The following RABGAP1L variants were observed in gnomAD, a reference collection of about 807,000 sequenced individuals.
The protein encoded by RABGAP1L is RAB GTPase activating protein 1 like.
Under a neutral mutation model 137.7 loss-of-function variants are expected in RABGAP1L, and 63 were observed. That is an observed-to-expected ratio of 0.46 (90% confidence interval 0.37 to 0.56). The LOEUF (loss-of-function observed/expected upper bound fraction) is 0.56. Ranked by LOEUF, RABGAP1L falls within the 20% of genes least tolerant of loss-of-function variation. RABGAP1L has a pLI of 0.00. For synonymous variants in RABGAP1L, 431 were observed against 433.7 expected, an observed-to-expected ratio of 0.99 and a Z score of 0.08; for missense variants, 1,095 against 1,244.0, an observed-to-expected ratio of 0.88 and a Z score of 1.80.
chr1:174,702,561 G>T (rs935523120), intron 17 of RABGAP1L, among the ~76,000 whole-genome samples: 3 of 151,980 alleles, frequency 2.0e-5, no homozygotes, highest in Admixed American at 1.3e-4. Context: ...TGCCTTTAAG[G>T]TTAAATAAAT....
chr1:174,802,002 A>G (rs995809754), intron 18 of RABGAP1L, among the ~76,000 whole-genome samples: 3 of 152,178 alleles, frequency 2.0e-5, no homozygotes, highest in Non-Finnish European at 4.4e-5. Context: ...TGGCATTTAC[A>G]TTTTCAGTGT....
chr1:174,305,086 G>A lies in RABGAP1L; in HGVS notation c.1424G>A (p.Gly475Glu), dbSNP rs142260750. The change falls in exon 11 of 26, where the codon GGA becomes GAA. Residue 475 changes from glycine (G) to glutamate (E), a missense_variant. Gly to Glu is a moderately conservative substitution (Grantham distance 98). Coordinates refer to ENST00000681986, the MANE Select transcript of RABGAP1L (RefSeq NM_001366446.1). ...GAGGAACCAGTCACTCCTACTAGTG[G>A]AGGGGGTCCAATGTCACCCCAGGAT... ...DKEEPVTPTS[G>E]GGPMSPQDDE... 4.7e-4 allele frequency: 734 copies of A among 1,553,684 alleles called. 8 individuals are homozygous for A. The East Asian group carries it at 0.018, about 38-fold the overall frequency.
chr1:174,701,225 A>G (rs1679621377), intron 16 of RABGAP1L: 1 of 1,272,436 alleles, frequency 7.9e-7, no homozygotes, highest in Non-Finnish European at 1.0e-6. Context: ...GGAGAAAAAA[A>G]TAAAGTTACC....
intron 11 of RABGAP1L, chr1:174,367,564 G>A: frequency 3.9e-6 from 1 of 255,884 alleles, no homozygotes; most frequent in Non-Finnish European, 7.8e-6. Flanking sequence ...TATTTTTTCT[G>A]TTTAGCTGGT....
chr1:174,466,070 C>G (rs1188709875), intron 13 of RABGAP1L, among the ~76,000 whole-genome samples: 7 of 152,198 alleles, frequency 4.6e-5, no homozygotes, highest in African/African-American at 7.2e-5. Context: ...TGCAGCTCCA[C>G]ATGTAATCAG....
intron 17 of RABGAP1L, among the ~76,000 whole-genome samples, chr1:174,744,898 T>C (rs565062445): frequency 6.6e-6 from 1 of 152,358 alleles, no homozygotes; most frequent in African/African-American, 2.4e-5. Context: ...AAGATGTTAA[T>C]GTTTGGGTAA....
intron 15 of RABGAP1L, 91 bp from the exon 16 acceptor site, chr1:174,699,434 T>G (rs1387255965): frequency 2.5e-6 from 3 of 1,220,436 alleles, no homozygotes; most frequent in Non-Finnish European, 3.4e-6. Context: ...TTCAGCTACT[T>G]ATGCAGAGGA....
intron 13 of RABGAP1L, among the ~76,000 whole-genome samples, chr1:174,585,938 A>C (rs548510203): frequency 6.6e-6 from 1 of 152,198 alleles, no homozygotes; most frequent in South Asian, 2.1e-4. Context: ...AAAATTCTCT[A>C]TTTTAACCAT....
chr1:174,917,715 C>G (rs538512234), intron 19 of RABGAP1L, among the ~76,000 whole-genome samples: 26 of 152,064 alleles, frequency 1.7e-4, no homozygotes, highest in African/African-American at 6.0e-4. Flanking sequence ...GGTTGATCAC[C>G]TGAGGTCAGG....
rs1249479319 is a variant in RABGAP1L at position 174,988,635 on chromosome 1, C to T, written c.2806-6C>T. On this transcript the variant is annotated splice_region_variant and splice_polypyrimidine_tract_variant and intron_variant, in intron 24 of 25. Transcript: ENST00000681986. The stretch of plus-strand genomic sequence containing the variant: ...TGATGTTGGTTATCTCTTTTGGATA[C>T]TTTAGGGTAAGATGATGGCATGCAA... 2 of 1,527,810 alleles carry T rather than the reference C, an allele frequency of 1.3e-6. No homozygotes were observed. The highest frequency in any genetic ancestry group is 2.5e-5 in the East Asian group (1 of 39,968). 94.6% of individuals were successfully genotyped at this position (1,527,810 alleles called of 1,614,324 possible).
intron 7 of RABGAP1L, among the ~76,000 whole-genome samples, chr1:174,256,033 C>A (rs756972919): frequency 2.0e-5 from 3 of 152,180 alleles, no homozygotes; most frequent in Non-Finnish European, 4.4e-5. Context: ...TTAATCTAAC[C>A]TGCCATTTGC....
At chr1:174,524,000 A>G (rs1050860736) in intron 13 of RABGAP1L, among the ~76,000 whole-genome samples, 13 of 152,194 alleles carry the variant, frequency 8.5e-5, no homozygotes, top group African/African-American at 3.1e-4. Flanking sequence ...CTTCCATTGT[A>G]TATATGTACA....
At chr1:174,437,868 C>A (rs1000856950) in intron 13 of RABGAP1L, among the ~76,000 whole-genome samples, 2 of 152,184 alleles carry the variant, frequency 1.3e-5, no homozygotes, top group Non-Finnish European at 2.9e-5. Flanking sequence ...AACAGCTGAT[C>A]TCTCGGCAGA....
chr1:174,967,687 A>G (rs915582354), intron 20 of RABGAP1L, among the ~76,000 whole-genome samples: 1 of 151,878 alleles, frequency 6.6e-6, no homozygotes, highest in African/African-American at 2.4e-5. Flanking sequence ...GGGTATTGCC[A>G]TGTTGCTGAG....
chr1:174,180,620 A>G lies in RABGAP1L; in HGVS notation c.-34+20963A>G, dbSNP rs114283818. Among the ~76,000 whole-genome samples the G allele has an allele frequency of 9.5e-3, 1,444 of 152,094 alleles. 22 individuals carry two copies. Among genetic ancestry groups the G allele is most frequent in the African/African-American group, 0.033 (1,384 of 41,486 alleles). On this transcript the variant is annotated intron_variant, in intron 1 of 25. Coordinates refer to ENST00000681986, the MANE Select transcript of RABGAP1L (RefSeq NM_001366446.1). ...GCTGGGACTGAAGGCATATGCCACC[A>G]CGCCTGGCTAATTTTTTATATTTTT...
At chr1:174,871,432 T>C (rs1168917748) in intron 19 of RABGAP1L, among the ~76,000 whole-genome samples, 2 of 152,180 alleles carry the variant, frequency 1.3e-5, no homozygotes, top group Admixed American at 6.5e-5. Flanking sequence ...ACACCTGGCC[T>C]GAGTTGCTTT....
intron 19 of RABGAP1L, among the ~76,000 whole-genome samples, chr1:174,859,295 C>T (rs1323870902): frequency 2.6e-5 from 4 of 152,004 alleles, no homozygotes; most frequent in African/African-American, 9.7e-5. Context: ...TCTTGCCTAA[C>T]ATGGTGAAAC....
intron 13 of RABGAP1L, among the ~76,000 whole-genome samples, chr1:174,612,468 T>C (rs1345037242): frequency 1.3e-5 from 2 of 152,242 alleles, no homozygotes; most frequent in Non-Finnish European, 2.9e-5. Context: ...CAGTATTTTA[T>C]TCAGGATTTT....
At chr1:174,356,927 C>A (rs975604606) in intron 11 of RABGAP1L, among the ~76,000 whole-genome samples, 8 of 152,094 alleles carry the variant, frequency 5.3e-5, no homozygotes, top group Admixed American at 2.6e-4. Context: ...TTTTACAACA[C>A]TATGTAATTG....
Sources: gnomAD v4.1 joint callset for allele counts (sites outside exome capture counted in the v4.1 genomes callset) on GRCh38, gnomAD v4.1.1 for gene constraint, MANE v1.5 for transcripts, NCBI Gene and HGNC (gene_info 2026-07-23, HGNC 2026-07-21) for gene names.